HERC1: variants seen among roughly 807,000 people sequenced by gnomAD.
The protein encoded by HERC1 is HECT and RLD domain containing E3 ubiquitin protein ligase family member 1, also known as probable E3 ubiquitin-protein ligase HERC1.
A neutral mutation model predicts 554.3 loss-of-function variants in HERC1; 160 were observed. That is an observed-to-expected ratio of 0.29 (90% CI 0.25 to 0.33). The LOEUF (loss-of-function observed/expected upper bound fraction) is 0.33, where lower values mean the gene tolerates loss of function less well. Among genes scored for constraint, HERC1 ranks in the 10% least tolerant of loss-of-function variants. HERC1 has a pLI of 1.00. For synonymous variants in HERC1, 2,175 were observed against 2,131.7 expected (o/e 1.02, Z -0.56); for missense variants, 4,919 against 5,918.5 (o/e 0.83, Z 5.54).
chr15:63,680,083 C>T lies in HERC1; in HGVS notation c.6543G>A (p.Gly2181=), dbSNP rs2071404125. ...PCVMFYSSNP[G]EKVKICDMQM... ...AGGTTTGAGACTTCATTACCTTTTCCCCTGGATTGCTACTATAGAACATCA... is the reference window on the plus strand; with the variant it reads ...AGGTTTGAGACTTCATTACCTTTTCTCCTGGATTGCTACTATAGAACATCA... Residue 2181 remains glycine (G), a synonymous_variant, in exon 36 of 78, where the codon GGG becomes GGA. Transcript: ENST00000443617. The surrounding 1 kb of genome is among the most constrained non-coding windows in gnomAD (Gnocchi z 5.8). The T allele has an allele frequency of 6.2e-7, 1 of 1,603,788 alleles. No individual in the cohort carries two copies. The highest frequency in any genetic ancestry group is 2.2e-5 in the East Asian group (1 of 44,648).
Position 63,759,690 on chromosome 15 carries a change from C to T in HERC1, c.1027-1321G>A, listed in dbSNP as rs1432410546. 2.0e-5 allele frequency among the ~76,000 whole-genome samples: 3 copies of T among 152,296 alleles called. No individual in the cohort carries two copies. In the East Asian group the frequency reaches 5.8e-4, roughly 29 times the overall value. ...GAACTCAATACAATAAAGATATTAA[C>T]TGACTACAGTGACTATCAATTTGTT... is the stretch of plus-strand genomic sequence containing the variant. On this transcript the variant is annotated intron_variant, in intron 3 of 77. Coordinates refer to ENST00000443617, the MANE Select transcript of HERC1 (RefSeq NM_003922.4).
chr15:63,792,639 C>A (rs563175767), intron 1 of HERC1, among the ~76,000 whole-genome samples: 2 of 152,062 alleles, frequency 1.3e-5, no homozygotes, highest in African/African-American at 2.4e-5. Context: ...TGATATAGAA[C>A]GAAAGAACTC....
At position 63,641,614 on chromosome 15, in the gene HERC1, T is replaced by C. The variant is rs781294580; in HGVS notation, c.11463A>G (p.Glu3821=). 7 of 1,574,806 alleles carry C rather than the reference T, an allele frequency of 4.4e-6. No individual in the cohort carries two copies. Among genetic ancestry groups the C allele is most frequent in the South Asian group, 2.3e-5 (2 of 86,776 alleles). ...KDVLVVNCTA[E]WAAANHVLAT... ...CCAAAACATGATTGGCAGCTGCCCA[T>C]TCTGCTGTACAATTCACGACCAAAA... The change falls in exon 60 of 78, where the codon GAA becomes GAG. Residue 3821 remains glutamate (E), a synonymous_variant. Coordinates refer to ENST00000443617, the MANE Select transcript of HERC1 (RefSeq NM_003922.4).
At chr15:63,695,425 G>A (rs1201923342) in intron 27 of HERC1, among the ~76,000 whole-genome samples, 4 of 126,912 alleles carry the variant, frequency 3.2e-5, no homozygotes, top group African/African-American at 1.2e-4. Context: ...TTGCTCTGTT[G>A]CCCAGGCTGG....
At chr15:63,681,982 C>T (rs751234871) in intron 34 of HERC1, among the ~76,000 whole-genome samples, 2 of 152,110 alleles carry the variant, frequency 1.3e-5, no homozygotes, top group African/African-American at 2.4e-5. Flanking sequence ...TGGAGTCTGA[C>T]GAGTCCTTCT....
At chr15:63,829,036 C>T (rs1346815336) in intron 1 of HERC1, among the ~76,000 whole-genome samples, 1 of 152,092 alleles carries the variant, frequency 6.6e-6, no homozygotes. Flanking sequence ...AGGTTTCTGA[C>T]AGAGACAGAA....
intron 17 of HERC1, among the ~76,000 whole-genome samples, chr15:63,725,895 T>C (rs923219942): frequency 7.2e-5 from 11 of 152,144 alleles, no homozygotes; most frequent in African/African-American, 2.2e-4. Flanking sequence ...TAAAATGACA[T>C]TCAAGATTGT....
Position 63,829,731 on chromosome 15 carries a change from A to C in HERC1, c.-27+4096T>G, listed in dbSNP as rs985354915. Among the ~76,000 whole-genome samples the C allele has an allele frequency of 2.2e-4, 34 of 151,732 alleles. 1 individual carries two copies. Among genetic ancestry groups the C allele is most frequent in the Admixed American group, 1.8e-3 (28 of 15,230 alleles). ...AGAAACCAGAGCTCCTTGGAGAAGT[A>C]GTCGACTCCAGGACTGGTGCAAGGA... On this transcript the variant is annotated intron_variant, in intron 1 of 77. Transcript: ENST00000443617.
At chr15:63,822,874 G>A (rs147481039) in intron 1 of HERC1, among the ~76,000 whole-genome samples, 208 of 152,130 alleles carry the variant, frequency 1.4e-3, no homozygotes, top group Admixed American at 2.9e-3. Flanking sequence ...TGGTTAAAGG[G>A]TATAAAGAAA....
At chr15:63,610,576 T>TAC (rs1415763550) in intron 77 of HERC1, among the ~76,000 whole-genome samples, 2 of 152,168 alleles carry the variant, frequency 1.3e-5, no homozygotes, top group Non-Finnish European at 2.9e-5. Flanking sequence ...ATTTACAACT[T>TAC]ACAGTTCTTG....
rs530073287 is a variant in HERC1, at chr15:63,717,290, C to A, written c.3979-817G>T. On this transcript the variant is annotated intron_variant, in intron 21 of 77. Transcript: ENST00000443617. ...CAAATTAATACATTTCATGGACTTT[C>A]AAGGTCACCAACAAACAGATCCACA... Among the ~76,000 whole-genome samples the A allele has an allele frequency of 5.9e-5, 9 of 152,232 alleles. No homozygotes were observed. The East Asian group carries it at 1.5e-3, about 26-fold the overall frequency.
chr15:63,732,597 G>A (rs534358016), intron 14 of HERC1, among the ~76,000 whole-genome samples: 3 of 152,262 alleles, frequency 2.0e-5, no homozygotes, highest in Non-Finnish European at 4.4e-5. Flanking sequence ...TCAGTTCCAA[G>A]TACATTGTTT....
intron 18 of HERC1, among the ~76,000 whole-genome samples, 179 bp from the exon 19 acceptor site, chr15:63,723,534 T>G (rs1305081065): frequency 6.6e-6 from 1 of 152,196 alleles, no homozygotes; most frequent in African/African-American, 2.4e-5. Flanking sequence ...CCCTTTTACA[T>G]TCTCCAAAAG....
intron 40 of HERC1, among the ~76,000 whole-genome samples, chr15:63,667,164 A>G (rs2070686381): frequency 6.6e-6 from 1 of 152,256 alleles, no homozygotes; most frequent in African/African-American, 2.4e-5. Context: ...TAAATGTGGT[A>G]TCTTTAAACA....
At chr15:63,798,479 A>C (rs2076876944) in intron 1 of HERC1, among the ~76,000 whole-genome samples, 1 of 151,946 alleles carries the variant, frequency 6.6e-6, no homozygotes, top group Non-Finnish European at 1.5e-5. Flanking sequence ...CCAAGCCTTC[A>C]AACCACTGCT....
chr15:63,630,549 C>A lies in HERC1; in HGVS notation c.12883G>T (p.Asp4295Tyr). ...GTGTGTTCAGCTCCAACTGCCACAT[C>A]TTCTATGATTACTCCAGCCAGGACA... ...IPVLAGVIIEDVAVGAEHTLA... is the reference protein window; with the variant it reads ...IPVLAGVIIEYVAVGAEHTLA... The change falls in exon 69 of 78, where the codon GAT (aspartate) becomes TAT (tyrosine). Residue 4295 changes from aspartate (D) to tyrosine (Y), a missense_variant. Asp to Tyr is a radical substitution (Grantham distance 160, BLOSUM62 -3). Around this residue, in one of 11 missense-constraint regions of HERC1, gnomAD observed 410 missense variants for 467.0 expected, o/e 0.88. Transcript: ENST00000443617. The A allele has an allele frequency of 6.2e-7, 1 of 1,614,026 alleles. No individual in the cohort carries two copies. Among genetic ancestry groups the A allele is most frequent in the East Asian group, 2.2e-5 (1 of 44,892 alleles).
chr15:63,697,730 C>T (rs2072504222), intron 26 of HERC1, among the ~76,000 whole-genome samples: 1 of 152,164 alleles, frequency 6.6e-6, no homozygotes, highest in Non-Finnish European at 1.5e-5. Context: ...GCTGGGATTA[C>T]AGGAGTGAGC....
chr15:63,677,916 C>T lies in HERC1; in HGVS notation c.6999G>A (p.Thr2333=), dbSNP rs1162444461. 5.6e-6 allele frequency: 9 copies of T among 1,614,022 alleles called. No individual in the cohort carries two copies. The highest frequency in any genetic ancestry group is 7.6e-6 in the Non-Finnish European group (9 of 1,179,894). Residue 2333 remains threonine (T), a synonymous_variant, in exon 37 of 78, where the codon ACG becomes ACA. Coordinates refer to ENST00000443617, the MANE Select transcript of HERC1 (RefSeq NM_003922.4). This position sits in a 1 kb window ranked among gnomAD's most constrained non-coding sequence, Gnocchi z 4.4. ...CVHKQTGRHA[T]LLGVVKEGST... ...TGCCCTCTTTGACCACTCCCAGCAGCGTGGCATGGCGCCCAGTTTGCTTGT... is the reference window on the plus strand; with the variant it reads ...TGCCCTCTTTGACCACTCCCAGCAGTGTGGCATGGCGCCCAGTTTGCTTGT...
chr15:63,650,654 A>C (rs1373930912), intron 53 of HERC1, among the ~76,000 whole-genome samples: 10 of 152,176 alleles, frequency 6.6e-5, no homozygotes, highest in Non-Finnish European at 1.5e-4. Context: ...TGAATGTACA[A>C]ATGTACAAAT....
Sources: gnomAD v4.1 joint callset for allele counts (sites outside exome capture counted in the v4.1 genomes callset) on GRCh38, gnomAD v4.1.1 for gene constraint, gnomAD v4.1.1 regional missense constraint, Gnocchi (gnomAD v3.1) non-coding constraint, MANE v1.5 for transcripts, NCBI Gene and HGNC (gene_info 2026-07-23, HGNC 2026-07-21) for gene names.